METTL15: variants seen among roughly 807,000 people sequenced by gnomAD.
METTL15 encodes methyltransferase 15, mitochondrial 12S rRNA N4-cytidine, also known as 12S rRNA N(4)-cytidine methyltransferase METTL15.
In METTL15, 34 loss-of-function variants were observed where a neutral mutation model predicts 38.3. That is an observed-to-expected ratio of 0.89 (90% CI 0.68 to 1.18). The LOEUF (loss-of-function observed/expected upper bound fraction) is 1.18. METTL15 is among the 50% of genes most tolerant of loss of function. METTL15 has a pLI of 0.00. For missense variants in METTL15, 438 were observed against 498.4 expected (o/e 0.88, Z 1.15); for synonymous variants, 162 against 170.9 (o/e 0.95, Z 0.41).
At chr11:28,417,859 T>C (rs7126224) in intron 5 of METTL15, among the ~76,000 whole-genome samples, 61,738 of 152,102 alleles carry the variant, frequency 0.41, 14,346 homozygotes, top group Admixed American at 0.52. Context: ...ACAAAGTTCA[T>C]ATGTATAAAA....
intron 6 of METTL15, among the ~76,000 whole-genome samples, chr11:28,453,952 A>G (rs930307758): frequency 1.5e-4 from 23 of 152,370 alleles, no homozygotes; most frequent in Middle Eastern, 3.4e-3. Context: ...ACTTCAGTAC[A>G]TAATTTTAAT....
downstream of METTL15, among the ~76,000 whole-genome samples, chr11:28,529,986 C>T (rs924321057): frequency 6.6e-6 from 1 of 152,106 alleles, no homozygotes; most frequent in African/African-American, 2.4e-5. Context: ...GGTGGGTACT[C>T]CTGGTCCTAT....
At chr11:28,274,453 T>C (rs1240069918) in intron 4 of METTL15, among the ~76,000 whole-genome samples, 2 of 152,050 alleles carry the variant, frequency 1.3e-5, no homozygotes. Flanking sequence ...CTAGTACTTT[T>C]CAGCAGCATT....
intron 6 of METTL15, chr11:28,327,995 A>T: frequency 7.8e-7 from 1 of 1,288,030 alleles, no homozygotes. Flanking sequence ...TTTTTAAAAA[A>T]ATTATAGCAA....
chr11:28,301,441 C>G (rs761769603), intron 6 of METTL15, among the ~76,000 whole-genome samples: 6 of 152,026 alleles, frequency 3.9e-5, no homozygotes, highest in Non-Finnish European at 8.8e-5. Flanking sequence ...ACTTATTATG[C>G]TGTATCTTAT....
chr11:28,381,769 T>C (rs968739482), intron 5 of METTL15, among the ~76,000 whole-genome samples: 4 of 152,188 alleles, frequency 2.6e-5, no homozygotes, highest in Non-Finnish European at 5.9e-5. Flanking sequence ...TGCTTTTCTG[T>C]GTTATCTTGG....
intron 6 of METTL15, among the ~76,000 whole-genome samples, chr11:28,487,860 G>GAATCTATATCAAACTATA (rs1251825049): frequency 1.3e-5 from 2 of 152,084 alleles, no homozygotes; most frequent in Non-Finnish European, 2.9e-5. Context: ...TCTATAGTTT[G>GAATCTATATCAAACTATA]GAAGTAAGAA....
intron 4 of METTL15, among the ~76,000 whole-genome samples, chr11:28,224,975 T>A (rs957286994): frequency 6.6e-6 from 1 of 151,826 alleles, no homozygotes; most frequent in Non-Finnish European, 1.5e-5. Context: ...TTTATTTTTT[T>A]AATTTATTCA....
intron 6 of METTL15, among the ~76,000 whole-genome samples, chr11:28,445,890 A>T (rs757440636): frequency 2.0e-5 from 3 of 152,034 alleles, no homozygotes; most frequent in Non-Finnish European, 4.4e-5. Flanking sequence ...GGGCTCAAGC[A>T]ATCTTCCTGC....
intron 6 of METTL15, among the ~76,000 whole-genome samples, chr11:28,504,518 AT>A (rs889882683): frequency 3.9e-5 from 6 of 152,210 alleles, no homozygotes; most frequent in African/African-American, 7.2e-5. Flanking sequence ...AAAATCCAAG[AT>A]TTTTTAAAAA....
chr11:28,151,408 C>T (rs1241796400), intron 3 of METTL15, among the ~76,000 whole-genome samples: 1 of 151,858 alleles, frequency 6.6e-6, no homozygotes, highest in Non-Finnish European at 1.5e-5. Context: ...ACATCATTTT[C>T]TAGGGTAATG....
At chr11:28,119,184 CATAATT>C (rs1432752078) in intron 3 of METTL15, among the ~76,000 whole-genome samples, 8 of 152,090 alleles carry the variant, frequency 5.3e-5, no homozygotes, top group African/African-American at 1.4e-4. Flanking sequence ...CTTAATAAGT[CATAATT>C]ATAATTATGA....
At chr11:28,502,100 C>CT (rs1554932625) in intron 6 of METTL15, among the ~76,000 whole-genome samples, 1 of 121,058 alleles carries the variant, frequency 8.3e-6, no homozygotes, top group African/African-American at 3.2e-5. Context: ...GACTCTGTCT[C>CT]AAAAAAAAAA....
At position 28,134,103 on chromosome 11, in the gene METTL15, C is replaced by A. The variant is rs146657476; in HGVS notation, c.270+20499C>A. 9.0e-4 allele frequency among the ~76,000 whole-genome samples: 137 copies of A among 152,256 alleles called. 1 individual carries two copies. The highest frequency in any genetic ancestry group is 3.3e-3 in the African/African-American group (136 of 41,558). ...CCTAACGGAACAACATGTGAACTGG[C>A]CCTGTTGTTGATTCAAGATTTTTTT... is the stretch of plus-strand genomic sequence containing the variant. On this transcript the variant is annotated intron_variant, in intron 3 of 6. Coordinates refer to ENST00000407364, the MANE Select transcript of METTL15 (RefSeq NM_001113528.2).
intron 5 of METTL15, among the ~76,000 whole-genome samples, chr11:28,371,001 G>A (rs1223038995): frequency 1.3e-5 from 2 of 151,940 alleles, no homozygotes; most frequent in Admixed American, 6.6e-5. Flanking sequence ...CACTTTGTGG[G>A]TTGTCTCTTC....
intron 3 of METTL15, among the ~76,000 whole-genome samples, chr11:28,150,841 T>C (rs1345672488): frequency 6.6e-6 from 1 of 151,734 alleles, no homozygotes; most frequent in East Asian, 1.9e-4. Flanking sequence ...GAGGTAATGA[T>C]GAACCTGAAA....
intron 6 of METTL15, among the ~76,000 whole-genome samples, chr11:28,473,395 T>C (rs1317497727): frequency 6.6e-6 from 1 of 152,140 alleles, no homozygotes; most frequent in Non-Finnish European, 1.5e-5. Flanking sequence ...TACGTTTTCA[T>C]GTTTCTAGGA....
intron 3 of METTL15, among the ~76,000 whole-genome samples, chr11:28,142,694 G>A (rs1376745472): frequency 6.6e-6 from 1 of 152,120 alleles, no homozygotes; most frequent in Non-Finnish European, 1.5e-5. Flanking sequence ...AAAATGCTAG[G>A]CCTTAGACCA....
At chr11:28,340,364 A>T (rs1435278247) in intron 3 of METTL15, among the ~76,000 whole-genome samples, 1 of 152,164 alleles carries the variant, frequency 6.6e-6, no homozygotes, top group Non-Finnish European at 1.5e-5. Flanking sequence ...GTTCTAAAAG[A>T]AACTATCATC....
Sources: allele counts gnomAD v4.1 joint callset (sites outside exome capture counted in the v4.1 genomes callset), GRCh38; gene constraint gnomAD v4.1.1; transcripts MANE v1.5; gene names NCBI Gene and HGNC (gene_info 2026-07-23, HGNC 2026-07-21).